Variants in DIS3L2 observed in about 807,000 individuals in gnomAD.
The protein encoded by DIS3L2 is DIS3-like exonuclease 2.
In DIS3L2, 34 loss-of-function variants were observed where a neutral mutation model predicts 97.5. That is an observed-to-expected ratio of 0.35 (90% CI 0.27 to 0.46). The LOEUF (loss-of-function observed/expected upper bound fraction) is 0.46. Ranked by LOEUF, DIS3L2 falls within the 20% of genes least tolerant of loss-of-function variation. The pLI, the probability that DIS3L2 is intolerant of heterozygous loss-of-function variation, is 1.00. For synonymous variants in DIS3L2, 435 were observed against 445.2 expected, an observed-to-expected ratio of 0.98 and a Z score of 0.29; for missense variants, 1,038 against 1,146.0, an observed-to-expected ratio of 0.91 and a Z score of 1.36.
intron 9 of DIS3L2, among the ~76,000 whole-genome samples, chr2:232,198,981 A>G (rs572178760): frequency 6.6e-6 from 1 of 152,310 alleles, no homozygotes; most frequent in Non-Finnish European, 1.5e-5. Context: ...CTCCATAGCA[A>G]TGAATTTCAG....
At chr2:232,209,937 C>G (rs532183298) in intron 9 of DIS3L2, among the ~76,000 whole-genome samples, 1 of 152,292 alleles carries the variant, frequency 6.6e-6, no homozygotes, top group South Asian at 2.1e-4. Flanking sequence ...GGTCCCATCC[C>G]CCTGTATCAC....
intron 1 of DIS3L2, among the ~76,000 whole-genome samples, chr2:231,963,846 G>A (rs7563148): frequency 0.23 from 35,635 of 151,938 alleles, 6,617 homozygotes; most frequent in African/African-American, 0.52. Flanking sequence ...AGCCTCCCGA[G>A]TAGCTGAGAC....
intron 14 of DIS3L2, among the ~76,000 whole-genome samples, chr2:232,310,158 C>T (rs1419507964): frequency 6.6e-6 from 1 of 152,198 alleles, no homozygotes; most frequent in Non-Finnish European, 1.5e-5. Context: ...GCCTCCCAGA[C>T]ACTGCCAGGT....
intron 4 of DIS3L2, among the ~76,000 whole-genome samples, chr2:232,026,114 C>A (rs1694649599): frequency 1.3e-5 from 2 of 152,086 alleles, no homozygotes; most frequent in African/African-American, 4.8e-5. Flanking sequence ...TATAGAATTT[C>A]CCTAAGTTAA....
intron 6 of DIS3L2, among the ~76,000 whole-genome samples, chr2:232,129,103 T>C (rs1698150996): frequency 6.6e-6 from 1 of 152,160 alleles, no homozygotes. Context: ...GAATCTGAGG[T>C]AACAGTCATT....
At chr2:232,330,295 G>T (rs535123979) in intron 15 of DIS3L2, among the ~76,000 whole-genome samples, 4 of 152,174 alleles carry the variant, frequency 2.6e-5, no homozygotes, top group Non-Finnish European at 5.9e-5. Flanking sequence ...TTTCAGAGTC[G>T]GGGCTGGAAT....
chr2:232,160,141 A>G (rs148199090), intron 8 of DIS3L2, among the ~76,000 whole-genome samples: 3,232 of 152,324 alleles, frequency 0.021, 56 homozygotes, highest in Non-Finnish European at 0.032. Context: ...CTAGTTGGAA[A>G]GTATGCCATC....
chr2:232,060,970 C>G (rs1263302216), intron 5 of DIS3L2, among the ~76,000 whole-genome samples: 1 of 152,088 alleles, frequency 6.6e-6, no homozygotes, highest in African/African-American at 2.4e-5. Context: ...TCTGTGTTGG[C>G]ATAGAGAAAT....
chr2:232,133,159 A>G (rs944496849), intron 7 of DIS3L2, among the ~76,000 whole-genome samples: 1 of 152,182 alleles, frequency 6.6e-6, no homozygotes, highest in Non-Finnish European at 1.5e-5. Flanking sequence ...TGCCACAACA[A>G]GAAACCCAAA....
intron 13 of DIS3L2, among the ~76,000 whole-genome samples, chr2:232,284,797 T>C (rs1400147640): frequency 6.6e-6 from 1 of 152,148 alleles, no homozygotes; most frequent in Non-Finnish European, 1.5e-5. Context: ...ACCAGATCAT[T>C]CTCTAAGCTC....
rs190170726 is a variant in DIS3L2, at chr2:232,116,126, T to C, written c.602-14493T>C. ...GGTGGAGATTGCAGTGAGCTGAGAT[T>C]GCACCATTGCACTCCAGCCTGGGCA... is the stretch of plus-strand genomic sequence containing the variant. On this transcript the variant is annotated intron_variant, in intron 6 of 20. Coordinates refer to ENST00000325385, the MANE Select transcript of DIS3L2 (RefSeq NM_152383.5). 1.7e-3 allele frequency among the ~76,000 whole-genome samples: 260 copies of C among 152,152 alleles called. 2 individuals carry two copies. The highest frequency in any genetic ancestry group is 5.9e-3 in the African/African-American group (244 of 41,506).
chr2:232,130,613 A>T lies in DIS3L2; in HGVS notation c.602-6A>T, dbSNP rs1215266102. 6.2e-7 allele frequency: 1 copy of T among 1,604,638 alleles called. No homozygotes were observed. The highest frequency in any genetic ancestry group is 8.5e-7 in the Non-Finnish European group (1 of 1,176,304). On this transcript the variant is annotated splice_region_variant and splice_polypyrimidine_tract_variant and intron_variant, in intron 6 of 20. Coordinates refer to ENST00000325385, the MANE Select transcript of DIS3L2 (RefSeq NM_152383.5). The stretch of plus-strand genomic sequence containing the variant: ...CTCCTCTTCTCTCTTTATCTTTTTA[A>T]TGTAGGAAGAGAGGATGGTGATGCA...
At chr2:232,020,475 G>C (rs948936495) in intron 3 of DIS3L2, among the ~76,000 whole-genome samples, 2 of 152,172 alleles carry the variant, frequency 1.3e-5, no homozygotes, top group African/African-American at 4.8e-5. Flanking sequence ...GGCAGAGGGA[G>C]GCATCCCTGA....
chr2:232,337,450 G>A (rs542196145), downstream of DIS3L2, among the ~76,000 whole-genome samples: 26 of 152,220 alleles, frequency 1.7e-4, 1 homozygote, highest in South Asian at 6.2e-4. Flanking sequence ...GGGAGGGGAG[G>A]AGGGCCCTCC....
At chr2:232,001,180 C>T (rs1693891348) in intron 1 of DIS3L2, among the ~76,000 whole-genome samples, 1 of 152,104 alleles carries the variant, frequency 6.6e-6, no homozygotes, top group South Asian at 2.1e-4. Flanking sequence ...CAACAGTGTA[C>T]AAGGGTTCTC....
At chr2:232,324,203 C>T (rs573139405) in intron 14 of DIS3L2, among the ~76,000 whole-genome samples, 22 of 152,326 alleles carry the variant, frequency 1.4e-4, no homozygotes, top group Middle Eastern at 3.4e-3. Flanking sequence ...TTCATGGCCT[C>T]GGCAGAGCCC....
chr2:232,111,710 G>A (rs147920515), intron 6 of DIS3L2, among the ~76,000 whole-genome samples: 3 of 152,146 alleles, frequency 2.0e-5, no homozygotes, highest in Non-Finnish European at 4.4e-5. Flanking sequence ...CATAACATGA[G>A]ACCATTGCCT....
chr2:232,190,501 T>G (rs1047729453), intron 9 of DIS3L2, among the ~76,000 whole-genome samples: 2 of 152,026 alleles, frequency 1.3e-5, no homozygotes, highest in South Asian at 2.1e-4. Context: ...ACACAATTTT[T>G]GGATTGGGAA....
rs1164720335 is a variant in DIS3L2 at position 232,030,043 on chromosome 2, T to G, written c.329T>G (p.Leu110Arg). 2 of 1,611,830 alleles carry G rather than the reference T, an allele frequency of 1.2e-6. No individual in the cohort carries two copies. The highest frequency in any genetic ancestry group is 2.2e-5 in the South Asian group (2 of 90,484). ...CGTAATAGAGCCTTAAATGGGGATC[T>G]GGTGGTCGTGAAACTGCTTCCCGAG... ...VARNRALNGD[L>R]VVVKLLPEEH... The change falls in exon 5 of 21, where the codon CTG becomes CGG. Residue 110 changes from leucine to arginine, a missense_variant. Coordinates refer to ENST00000325385, the MANE Select transcript of DIS3L2 (RefSeq NM_152383.5).
Sources: allele counts gnomAD v4.1 joint callset (sites outside exome capture counted in the v4.1 genomes callset), GRCh38; gene constraint gnomAD v4.1.1; transcripts MANE v1.5; gene names NCBI Gene and HGNC (gene_info 2026-07-23, HGNC 2026-07-21).